The following ENTREP2 variants were observed in gnomAD, a reference collection of about 807,000 sequenced individuals.
ENTREP2 encodes the protein protein ENTREP2.
chr15:29,592,740 C>T, the ENTREP2 span, among the ~76,000 whole-genome samples: 2 of 152,088 alleles, frequency 1.3e-5, no homozygotes, highest in African/African-American at 4.8e-5. Context: ...GGATGGATCC[C>T]TCATGAATAG....
the ENTREP2 span, among the ~76,000 whole-genome samples, chr15:29,231,226 T>A: frequency 6.6e-6 from 1 of 152,330 alleles, no homozygotes; most frequent in Non-Finnish European, 1.5e-5. Flanking sequence ...GATAGTCTAC[T>A]ACGATGCAGC....
chr15:29,563,291 T>C, the ENTREP2 span, among the ~76,000 whole-genome samples: 1 of 152,222 alleles, frequency 6.6e-6, no homozygotes, highest in African/African-American at 2.4e-5. Context: ...TATACATATA[T>C]TGAACCTCCT....
chr15:29,157,067 A>G, the ENTREP2 span, among the ~76,000 whole-genome samples: 1 of 152,192 alleles, frequency 6.6e-6, no homozygotes, highest in African/African-American at 2.4e-5. Context: ...ATTGTATTCC[A>G]GCCTGGGCGA....
chr15:29,146,916 C>T, the ENTREP2 span, among the ~76,000 whole-genome samples: 1 of 151,546 alleles, frequency 6.6e-6, no homozygotes, highest in Non-Finnish European at 1.5e-5. Context: ...GCCTGGGTGA[C>T]AGAGCAAGAC....
At chr15:29,265,714 T>C in the ENTREP2 span, 1 of 152,206 alleles carries the variant, frequency 6.6e-6, no homozygotes, top group Admixed American at 6.5e-5. Context: ...TAGCCATAAA[T>C]TTATCTATAC....
chr15:29,453,044 C>G, the ENTREP2 span, among the ~76,000 whole-genome samples: 1 of 152,100 alleles, frequency 6.6e-6, no homozygotes, highest in African/African-American at 2.4e-5. Flanking sequence ...TGCTTCCTGC[C>G]CTTTCTAAAA....
the ENTREP2 span, among the ~76,000 whole-genome samples, chr15:29,638,665 C>T: frequency 1.4e-3 from 211 of 152,282 alleles, 2 homozygotes; most frequent in African/African-American, 4.8e-3. Flanking sequence ...TCCCTTCAGG[C>T]CAGGAGTTTG....
At chr15:29,289,539 G>C in the ENTREP2 span, among the ~76,000 whole-genome samples, 1 of 152,056 alleles carries the variant, frequency 6.6e-6, no homozygotes, top group Non-Finnish European at 1.5e-5. Flanking sequence ...CACTCCTAGA[G>C]AGTGCACAAA....
chr15:29,626,800 ATCT>A, the ENTREP2 span, among the ~76,000 whole-genome samples: 1 of 152,164 alleles, frequency 6.6e-6, no homozygotes, highest in African/African-American at 2.4e-5. Flanking sequence ...TCTGTAGATG[ATCT>A]TACTCAAGTT....
chr15:29,173,041 C>G, the ENTREP2 span, among the ~76,000 whole-genome samples: 2 of 152,188 alleles, frequency 1.3e-5, no homozygotes, highest in African/African-American at 4.8e-5. Flanking sequence ...AGGCTGTCTC[C>G]CATTTTCTCT....
the ENTREP2 span, among the ~76,000 whole-genome samples, chr15:29,197,528 G>A: frequency 6.6e-6 from 1 of 152,196 alleles, no homozygotes; most frequent in Non-Finnish European, 1.5e-5. Context: ...AGCACTTTGG[G>A]AGGCTGAGGC....
At chr15:29,136,646 TG>T in the ENTREP2 span, 1 of 863,270 alleles carries the variant, frequency 1.2e-6, no homozygotes, top group East Asian at 3.1e-5. Context: ...CTTCAGTCAC[TG>T]GGCGATTTGC....
the ENTREP2 span, among the ~76,000 whole-genome samples, chr15:29,300,185 T>C: frequency 6.8e-6 from 1 of 147,416 alleles, no homozygotes; most frequent in African/African-American, 2.6e-5. Context: ...GATGGATGGA[T>C]GGATGGGTAG....
At chr15:29,340,663 C>T in the ENTREP2 span, among the ~76,000 whole-genome samples, 3 of 152,166 alleles carry the variant, frequency 2.0e-5, no homozygotes, top group South Asian at 2.1e-4. Flanking sequence ...AACCAATTAT[C>T]GTAGGAAGCT....
At chr15:29,656,785 C>T in the ENTREP2 span, among the ~76,000 whole-genome samples, 1 of 152,070 alleles carries the variant, frequency 6.6e-6, no homozygotes, top group Non-Finnish European at 1.5e-5. Flanking sequence ...CTCTGAAAAA[C>T]AGTTCGTTTC....
chr15:29,561,714 A>C, the ENTREP2 span, among the ~76,000 whole-genome samples: 1 of 120,440 alleles, frequency 8.3e-6, no homozygotes, highest in East Asian at 2.4e-4. Flanking sequence ...TAATAATAAA[A>C]TAAATAAATA....
At chr15:29,274,254 A>C in the ENTREP2 span, among the ~76,000 whole-genome samples, 2 of 152,172 alleles carry the variant, frequency 1.3e-5, no homozygotes, top group African/African-American at 4.8e-5. Flanking sequence ...TCCCCACAAC[A>C]AACCTATCAG....
chr15:29,623,038 A>C, the ENTREP2 span, among the ~76,000 whole-genome samples: 4 of 152,198 alleles, frequency 2.6e-5, no homozygotes, highest in Non-Finnish European at 4.4e-5. Context: ...GTAGCAGTTA[A>C]ATTTTACAGC....
the ENTREP2 span, among the ~76,000 whole-genome samples, chr15:29,206,989 C>G: frequency 1.3e-5 from 2 of 152,140 alleles, no homozygotes; most frequent in Admixed American, 1.3e-4. Flanking sequence ...AAACTCAGGG[C>G]CAACATAGAC....
Sources: gnomAD v4.1 joint callset for allele counts (sites outside exome capture counted in the v4.1 genomes callset) on GRCh38, gnomAD v4.1.1 for gene constraint, MANE v1.5 for transcripts, NCBI Gene and HGNC (gene_info 2026-07-23, HGNC 2026-07-21) for gene names.